UGT1A7: variants seen among roughly 807,000 people sequenced by gnomAD.
The protein encoded by UGT1A7 is UDP-glucuronosyltransferase 1A7.
UGT1A7 carries 33 observed loss-of-function variants against 45.6 expected under a neutral mutation model. The observed-to-expected ratio is 0.72, with a 90% confidence interval of 0.55 to 0.97. UGT1A7 has a LOEUF of 0.97. UGT1A7 is among the 50% of genes least tolerant of loss of function. The pLI is 0.00. For missense variants in UGT1A7, 684 were observed against 666.2 expected, an observed-to-expected ratio of 1.03 and a Z score of -0.29; for synonymous variants, 274 against 250.6, an observed-to-expected ratio of 1.09 and a Z score of -0.88.
At chr2:233,695,410 T>C (rs1319297669) in intron 1 of UGT1A7, among the ~76,000 whole-genome samples, 3 of 148,278 alleles carry the variant, frequency 2.0e-5, no homozygotes, top group African/African-American at 7.4e-5. Context: ...AGGCGTGAGC[T>C]ACCGCGCCCG....
At chr2:233,736,092 T>A (rs2078731726) in intron 1 of UGT1A7, among the ~76,000 whole-genome samples, 1 of 152,262 alleles carries the variant, frequency 6.6e-6, no homozygotes. Flanking sequence ...CTGGATAATA[T>A]CCTGAAGAGT....
Position 233,681,994 on chromosome 2 carries a change from C to G in UGT1A7, c.57C>G (p.Thr19=). The G allele has an allele frequency of 6.2e-7, 1 of 1,614,172 alleles. No homozygotes were observed. The highest frequency in any genetic ancestry group is 8.5e-7 in the Non-Finnish European group (1 of 1,180,008). ...CCCTATATGTGTGTCTACTGCTGAC[C>G]TGTGGCTTTGCCAAGGCAGGGAAGC... is the stretch of plus-strand genomic sequence containing the variant. ...LLPLYVCLLL[T]CGFAKAGKLL... The change falls in exon 1 of 5, where the codon ACC becomes ACG. Residue 19 remains threonine (T), a synonymous_variant. Transcript: ENST00000373426.
At position 233,772,404 on chromosome 2, in the gene UGT1A7, T is replaced by C; in HGVS notation, c.1438T>C (p.Trp480Arg). The change falls in exon 5 of 5, where the codon TGG becomes CGG. Residue 480 changes from tryptophan (W) to arginine (R), a missense_variant. Coordinates refer to ENST00000373426, the MANE Select transcript of UGT1A7 (RefSeq NM_019077.3). ...HLRPAAHDLT[W>R]YQYHSLDVIG... ...GCGCCCCGCAGCCCACGACCTCACC[T>C]GGTACCAGTACCATTCCTTGGACGT... is the stretch of plus-strand genomic sequence containing the variant. 6.2e-7 allele frequency: 1 copy of C among 1,614,214 alleles called. No individual in the cohort carries two copies. The highest frequency in any genetic ancestry group is 8.5e-7 in the Non-Finnish European group (1 of 1,180,034).
chr2:233,699,358 T>C (rs184232584), intron 1 of UGT1A7, among the ~76,000 whole-genome samples: 40 of 152,340 alleles, frequency 2.6e-4, no homozygotes, highest in African/African-American at 8.9e-4. Context: ...CCTCTTTTCT[T>C]ATTGGTATGG....
chr2:233,724,642 G>A (rs896870557), intron 1 of UGT1A7, among the ~76,000 whole-genome samples: 3 of 142,058 alleles, frequency 2.1e-5, no homozygotes, highest in African/African-American at 8.0e-5. Flanking sequence ...AGATGTGATG[G>A]CGGCTGGGAA....
rs753135501 is a variant in UGT1A7 at position 233,713,577 on chromosome 2, A to G, written c.855+30785A>G. 3.1e-6 allele frequency: 5 copies of G among 1,613,836 alleles called. No homozygotes were observed. The African/African-American group carries it at 5.3e-5, about 17-fold the overall frequency. ...TCCAAACCCTTCCTCCTATATTCCTAGATTACTAACGACCAATTCAGACCA... is the reference window on the plus strand; with the variant it reads ...TCCAAACCCTTCCTCCTATATTCCTGGATTACTAACGACCAATTCAGACCA... On this transcript the variant is annotated intron_variant, in intron 1 of 4. Coordinates refer to ENST00000373426, the MANE Select transcript of UGT1A7 (RefSeq NM_019077.3).
Position 233,768,444 on chromosome 2 carries a change from G to T in UGT1A7, c.1295+5G>T. 3.7e-6 allele frequency: 6 copies of T among 1,612,940 alleles called. No homozygotes were observed. The highest frequency in any genetic ancestry group is 5.1e-6 in the Non-Finnish European group (6 of 1,179,422). Reference sequence around the variant, plus strand: ...AGCAGTCATCAATGACAAAAGGTAAGAAAGAAGATACAGAAGAATACTTTG... The same window carrying T: ...AGCAGTCATCAATGACAAAAGGTAATAAAGAAGATACAGAAGAATACTTTG... On this transcript the variant is annotated splice_donor_5th_base_variant and intron_variant, in intron 4 of 4. Coordinates refer to ENST00000373426, the MANE Select transcript of UGT1A7 (RefSeq NM_019077.3).
intron 1 of UGT1A7, chr2:233,729,134 C>T (rs143371539): frequency 2.5e-6 from 4 of 1,613,290 alleles, no homozygotes; most frequent in Middle Eastern, 1.8e-4. Flanking sequence ...GAGATGGCCA[C>T]AGGACTCCAG....
At position 233,714,001 on chromosome 2, in the gene UGT1A7, G is replaced by A. The variant is rs1295021780; in HGVS notation, c.855+31209G>A. 4.5e-6 allele frequency: 7 copies of A among 1,551,344 alleles called. No homozygotes were observed. The African/African-American group carries it at 5.5e-5, about 12-fold the overall frequency. On this transcript the variant is annotated intron_variant, in intron 1 of 4. Coordinates refer to ENST00000373426, the MANE Select transcript of UGT1A7 (RefSeq NM_019077.3). ...TCATTGTTGTAATAGTCTTCAGTGA[G>A]ATAAACTTTTAAAGGGTCAATGGTA...
chr2:233,768,064 A>G, intron 3 of UGT1A7, 128 bp downstream of exon 3: 1 of 1,598,982 alleles, frequency 6.3e-7, no homozygotes, highest in Non-Finnish European at 8.5e-7. Flanking sequence ...ATTGCTTTTT[A>G]TCTAGTGGGG....
rs1248944936 is a variant in UGT1A7, at chr2:233,682,626, T to A, written c.689T>A (p.Ile230Lys). The A allele has an allele frequency of 6.2e-7, 1 of 1,613,904 alleles. No homozygotes were observed. The highest frequency in any genetic ancestry group is 2.2e-5 in the East Asian group (1 of 44,878). The change falls in exon 1 of 5, where the codon ATA becomes AAA. Residue 230 changes from isoleucine to lysine, a missense_variant. Coordinates refer to ENST00000373426, the MANE Select transcript of UGT1A7 (RefSeq NM_019077.3). ...CPYFFKNVLE[I>K]ASEILQTPVT... ...TATTTTTTCAAAAATGTCTTAGAAA[T>A]AGCCTCTGAAATTCTCCAAACCCCT... is the stretch of plus-strand genomic sequence containing the variant.
chr2:233,713,326 G>C (rs17864695), intron 1 of UGT1A7: 6 of 1,614,218 alleles, frequency 3.7e-6, no homozygotes, highest in Non-Finnish European at 5.1e-6. Context: ...AAATTTTCTA[G>C]AAGAATGGCA....
chr2:233,747,691 T>A, intron 1 of UGT1A7: 3 of 1,611,090 alleles, frequency 1.9e-6, no homozygotes, highest in Non-Finnish European at 2.5e-6. Context: ...TGTGGGGCAG[T>A]GCTGGCTAAG....
chr2:233,725,910 A>G (rs538515194), intron 1 of UGT1A7, among the ~76,000 whole-genome samples: 2 of 152,318 alleles, frequency 1.3e-5, no homozygotes, highest in East Asian at 3.9e-4. Context: ...TCACACCTGC[A>G]ATTTCAGCCC....
At chr2:233,711,219 A>AT (rs1297902329) in intron 1 of UGT1A7, among the ~76,000 whole-genome samples, 2 of 152,182 alleles carry the variant, frequency 1.3e-5, no homozygotes, top group Non-Finnish European at 2.9e-5. Flanking sequence ...CAGTGCTCCC[A>AT]TGTCGCTGAA....
At chr2:233,725,201 G>GGCAGAGGCAGAA (rs2077389297) in intron 1 of UGT1A7, among the ~76,000 whole-genome samples, 6 of 93,006 alleles carry the variant, frequency 6.5e-5, no homozygotes, top group African/African-American at 5.2e-4. Context: ...CAGAGGCAGA[G>GGCAGAGGCAGAA]GCAGAGGCAG....
At chr2:233,717,606 A>G (rs1201651374) in intron 1 of UGT1A7, among the ~76,000 whole-genome samples, 2 of 152,238 alleles carry the variant, frequency 1.3e-5, no homozygotes, top group Admixed American at 6.5e-5. Context: ...GAAAGTGGGC[A>G]CAGCCCAGAG....
At chr2:233,746,478 T>C (rs1007346584) in intron 1 of UGT1A7, among the ~76,000 whole-genome samples, 1 of 151,746 alleles carries the variant, frequency 6.6e-6, no homozygotes, top group Non-Finnish European at 1.5e-5. Flanking sequence ...AGAAACACTT[T>C]CCATGGACAT....
At chr2:233,685,128 C>A (rs901416768) in intron 1 of UGT1A7, among the ~76,000 whole-genome samples, 2 of 152,126 alleles carry the variant, frequency 1.3e-5, no homozygotes, top group South Asian at 4.1e-4. Context: ...AGGTGAATTA[C>A]ATCCAGGGAT....
Sources: allele counts gnomAD v4.1 joint callset (sites outside exome capture counted in the v4.1 genomes callset), GRCh38; gene constraint gnomAD v4.1.1; transcripts MANE v1.5; gene names NCBI Gene and HGNC (gene_info 2026-07-23, HGNC 2026-07-21).